PHC2: variants seen among roughly 807,000 people sequenced by gnomAD.
PHC2 encodes polyhomeotic-like protein 2.
A neutral mutation model predicts 87.4 loss-of-function variants in PHC2; 29 were observed. The ratio of observed to expected loss-of-function variants is 0.33; its 90% CI spans 0.25 to 0.45. The LOEUF (loss-of-function observed/expected upper bound fraction) is 0.45, where lower values mean the gene tolerates loss of function less well. Among genes scored for constraint, PHC2 ranks in the 20% least tolerant of loss-of-function variants. The probability of loss-of-function intolerance (pLI) is 1.00; values close to 1 mark genes in which losing one functional copy is unlikely to be tolerated. For synonymous variants in PHC2, 438 were observed against 461.7 expected, an observed-to-expected ratio of 0.95 and a Z score of 0.66; for missense variants, 857 against 1,136.7, an observed-to-expected ratio of 0.75 and a Z score of 3.54.
intron 2 of PHC2, among the ~76,000 whole-genome samples, 161 bp downstream of exon 2, chr1:33,375,205 C>T (rs1294375271): frequency 6.6e-6 from 1 of 152,188 alleles, no homozygotes; most frequent in East Asian, 1.9e-4. Flanking sequence ...GCATCCTTCA[C>T]CCCCTGTAAC....
chr1:33,352,409 T>G (rs1570474142), intron 9 of PHC2, among the ~76,000 whole-genome samples: 1 of 152,210 alleles, frequency 6.6e-6, no homozygotes, highest in African/African-American at 2.4e-5. Flanking sequence ...GGTCTTACCT[T>G]TAAAATGAGG....
intron 1 of PHC2, among the ~76,000 whole-genome samples, chr1:33,379,711 G>A (rs960125141): frequency 8.3e-4 from 124 of 150,064 alleles, no homozygotes; most frequent in African/African-American, 3.0e-3. Context: ...TCTGGAATAC[G>A]AGCACGTCCT....
At position 33,349,936 on chromosome 1, in the gene PHC2, GGGGGCGGGGCGAGGGAGC is replaced by G; in HGVS notation, c.1558+4447_1558+4464del. 2.4e-6 allele frequency: 2 copies of G among 843,668 alleles called. No homozygotes were observed. The highest frequency in any genetic ancestry group is 2.8e-6 in the Non-Finnish European group (2 of 702,546). The allele number at this position is 843,668 out of a possible 1,614,324, so 52.3% of individuals were successfully genotyped here. The stretch of plus-strand genomic sequence containing the variant: ...GACGGCTCCCGCGGCCGCCTCCGCC[GGGGGCGGGGCGAGGGAGC>G]GGGGCGGGGAGGGGCGGGGCCGCGG... On this transcript the variant is annotated intron_variant, in intron 9 of 14. Transcript: ENST00000683057. This position sits in a 1 kb window ranked among gnomAD's most constrained non-coding sequence, Gnocchi z 4.2.
intron 1 of PHC2, among the ~76,000 whole-genome samples, chr1:33,427,340 G>A (rs1352235194): frequency 3.3e-5 from 5 of 152,208 alleles, no homozygotes; most frequent in East Asian, 1.9e-4. Context: ...ATGAACTGCT[G>A]ACTTGCTATT....
At chr1:33,326,018 T>C (rs1331942039) in intron 14 of PHC2, 11 of 378,020 alleles carry the variant, frequency 2.9e-5, no homozygotes, top group East Asian at 7.7e-5. Context: ...GTCTCTGTTA[T>C]GAAATAAAAG....
chr1:33,394,666 C>T (rs936209797), intron 1 of PHC2, among the ~76,000 whole-genome samples: 1 of 152,220 alleles, frequency 6.6e-6, no homozygotes, highest in Non-Finnish European at 1.5e-5. Context: ...GCCTGGAACT[C>T]CTAGGCTCAA....
intron 1 of PHC2, among the ~76,000 whole-genome samples, chr1:33,405,771 G>A (rs1649737507): frequency 6.6e-6 from 1 of 151,970 alleles, no homozygotes; most frequent in Admixed American, 6.6e-5. Flanking sequence ...TTATATATGT[G>A]TACTGCTTAA....
intron 1 of PHC2, among the ~76,000 whole-genome samples, chr1:33,405,940 T>C (rs1336333185): frequency 6.6e-6 from 1 of 152,234 alleles, no homozygotes; most frequent in Non-Finnish European, 1.5e-5. Context: ...GTTCCTTCCA[T>C]GTATGCTTGA....
chr1:33,402,500 G>A (rs544578883), intron 1 of PHC2, among the ~76,000 whole-genome samples: 2 of 151,954 alleles, frequency 1.3e-5, no homozygotes, highest in African/African-American at 2.4e-5. Flanking sequence ...TGATGTTCAC[G>A]GTGGAATTGC....
chr1:33,335,754 T>G (rs1435475901), intron 9 of PHC2, among the ~76,000 whole-genome samples: 1 of 151,846 alleles, frequency 6.6e-6, no homozygotes, highest in African/African-American at 2.4e-5. Flanking sequence ...ACAAAAATTA[T>G]CCAGGCATGG....
At chr1:33,384,578 A>G (rs1408504543) in intron 1 of PHC2, among the ~76,000 whole-genome samples, 1 of 152,152 alleles carries the variant, frequency 6.6e-6, no homozygotes, top group Non-Finnish European at 1.5e-5. Flanking sequence ...AGCTGATTCC[A>G]GAATTAGTCA....
intron 1 of PHC2, among the ~76,000 whole-genome samples, chr1:33,387,102 T>G (rs940111511): frequency 6.6e-5 from 10 of 152,232 alleles, no homozygotes; most frequent in African/African-American, 2.4e-4. Context: ...TCTAGAAATT[T>G]TTTACTGGCC....
chr1:33,346,257 G>A, intron 9 of PHC2: 1 of 985,302 alleles, frequency 1.0e-6, no homozygotes, highest in South Asian at 4.7e-5. Context: ...GGCAGGCTCA[G>A]AGGGGCACCT....
At position 33,376,726 on chromosome 1, in the gene PHC2, C is replaced by T. The variant is rs189119120; in HGVS notation, c.-54-1133G>A. 3.0e-3 allele frequency among the ~76,000 whole-genome samples: 456 copies of T among 152,244 alleles called. 3 individuals are homozygous for T. The highest frequency in any genetic ancestry group is 4.0e-3 in the Non-Finnish European group (270 of 68,016). ...TGGGCAGATCACGAGGTCAAGAGAT[C>T]GAGACCATCCTGGCCAACATGGTGA... On this transcript the variant is annotated intron_variant, in intron 1 of 14. Transcript: ENST00000683057.
chr1:33,422,969 GTTTAA>G (rs1650487574), intron 1 of PHC2, among the ~76,000 whole-genome samples: 1 of 151,994 alleles, frequency 6.6e-6, no homozygotes, highest in Admixed American at 6.6e-5. Flanking sequence ...TTATTAACCT[GTTTAA>G]TTCTATAATT....
chr1:33,402,510 C>T (rs911041877), intron 1 of PHC2, among the ~76,000 whole-genome samples: 2 of 152,030 alleles, frequency 1.3e-5, no homozygotes, highest in Non-Finnish European at 2.9e-5. Flanking sequence ...GGTGGAATTG[C>T]TTTTTAAAGC....
chr1:33,419,947 G>T (rs68137916), intron 1 of PHC2, among the ~76,000 whole-genome samples: 1 of 151,726 alleles, frequency 6.6e-6, no homozygotes, highest in Non-Finnish European at 1.5e-5. Flanking sequence ...TGTATTTAGC[G>T]CCCACCCAGA....
In PHC2 at chr1:33,375,361, C is replaced by T. The variant is rs1163772861; in HGVS notation, c.174+5G>A. The T allele has an allele frequency of 1.3e-6, 2 of 1,554,394 alleles. No individual in the cohort carries two copies. The highest frequency in any genetic ancestry group is 2.7e-5 in the African/African-American group (2 of 72,914). ...GTATAATTCCCAGATCAATTAGACT[C>T]TTACCTGCACGGTCTGCCGGTCTGG... On this transcript the variant is annotated splice_donor_5th_base_variant and intron_variant, in intron 2 of 14. Coordinates refer to ENST00000683057, the MANE Select transcript of PHC2 (RefSeq NM_001385109.1).
At chr1:33,384,372 T>C (rs183486211) in intron 1 of PHC2, among the ~76,000 whole-genome samples, 3 of 152,330 alleles carry the variant, frequency 2.0e-5, no homozygotes, top group African/African-American at 4.8e-5. Flanking sequence ...GCAGTCATCA[T>C]TGATGCCATA....
Sources: allele counts gnomAD v4.1 joint callset (sites outside exome capture counted in the v4.1 genomes callset), GRCh38; gene constraint gnomAD v4.1.1; non-coding constraint Gnocchi (gnomAD v3.1); transcripts MANE v1.5; gene names NCBI Gene and HGNC (gene_info 2026-07-23, HGNC 2026-07-21).